RELN: variants seen among roughly 807,000 people sequenced by gnomAD.
RELN encodes the protein reelin.
In RELN, 108 loss-of-function variants were observed where a neutral mutation model predicts 427.6. The ratio of observed to expected loss-of-function variants is 0.25; its 90% CI spans 0.22 to 0.30. The LOEUF is 0.30. RELN is among the 10% of genes least tolerant of loss of function. The pLI is 1.00. For synonymous variants in RELN, 1,524 were observed against 1,513.4 expected (o/e 1.01, Z -0.16); for missense variants, 3,715 against 4,302.8 (o/e 0.86, Z 3.82).
At chr7:103,677,821 T>G (rs1833571123) in intron 11 of RELN, among the ~76,000 whole-genome samples, 2 of 146,872 alleles carry the variant, frequency 1.4e-5, no homozygotes, top group Non-Finnish European at 1.5e-5. Flanking sequence ...TTTCACCTAC[T>G]TAGCAGTCCT....
At chr7:103,871,462 G>GA (rs1011772270) in intron 2 of RELN, among the ~76,000 whole-genome samples, 31 of 152,100 alleles carry the variant, frequency 2.0e-4, no homozygotes, top group Middle Eastern at 3.4e-3. Context: ...TAACTACCAA[G>GA]AATGTATTTC....
intron 2 of RELN, among the ~76,000 whole-genome samples, chr7:103,890,904 C>T (rs1253003889): frequency 6.6e-6 from 1 of 152,014 alleles, no homozygotes; most frequent in African/African-American, 2.4e-5. Context: ...GGTGAAACCC[C>T]GTCTCTACTA....
intron 28 of RELN, among the ~76,000 whole-genome samples, chr7:103,584,709 T>C (rs1171740474): frequency 6.6e-6 from 1 of 152,240 alleles, no homozygotes; most frequent in East Asian, 1.9e-4. Context: ...CTATGCCAAA[T>C]GGACATAACA....
Position 103,572,243 on chromosome 7 carries a change from A to G in RELN, c.4529T>C (p.Ile1510Thr). 2 of 1,580,134 alleles carry G rather than the reference A, an allele frequency of 1.3e-6. No homozygotes were observed. Among genetic ancestry groups the G allele is most frequent in the South Asian group, 1.1e-5 (1 of 90,386 alleles). Residue 1510 changes from isoleucine (I) to threonine (T), a missense_variant, in exon 31 of 65, where the codon ATA becomes ACA. Coordinates refer to ENST00000428762, the MANE Select transcript of RELN (RefSeq NM_005045.4). ...TRNIRLVQFY[I>T]QIGSKTSGIT... ...GCCTGAAGTTTTGCTTCCAATTTGT[A>G]TATAAAATTGAACAAGTCTGGGGAA...
Position 103,578,373 on chromosome 7 carries a change from G to C in RELN, c.4146-2668C>G, listed in dbSNP as rs1318422549. 2.0e-5 allele frequency among the ~76,000 whole-genome samples: 3 copies of C among 152,066 alleles called. No individual in the cohort carries two copies. In the East Asian group the frequency reaches 5.8e-4, roughly 29 times the overall value. On this transcript the variant is annotated intron_variant, in intron 28 of 64. Coordinates refer to ENST00000428762, the MANE Select transcript of RELN (RefSeq NM_005045.4). ...AAAAGACTAATCATTTGGTTAATAGGGTAAGTCCAGAACATGGTGAATCAT... is the reference window on the plus strand; with the variant it reads ...AAAAGACTAATCATTTGGTTAATAGCGTAAGTCCAGAACATGGTGAATCAT...
intron 2 of RELN, among the ~76,000 whole-genome samples, chr7:103,852,116 A>T (rs1269499797): frequency 6.6e-6 from 1 of 152,192 alleles, no homozygotes; most frequent in Middle Eastern, 3.2e-3. Context: ...CACTTGTCAT[A>T]GTCCATTTAC....
At chr7:103,921,694 G>T (rs368643908) in intron 1 of RELN, among the ~76,000 whole-genome samples, 19 of 152,224 alleles carry the variant, frequency 1.2e-4, no homozygotes, top group African/African-American at 4.3e-4. Flanking sequence ...CTTCAATGTG[G>T]TTTCAAAGAC....
intron 17 of RELN, among the ~76,000 whole-genome samples, chr7:103,639,980 T>C (rs2117360852): frequency 6.6e-6 from 1 of 152,302 alleles, no homozygotes; most frequent in East Asian, 1.9e-4. Context: ...AGATATTACA[T>C]TATTAATGTA....
chr7:103,483,931 G>A (rs1461684336), intron 61 of RELN, 81 bp from the exon 62 acceptor site: 16 of 1,358,968 alleles, frequency 1.2e-5, no homozygotes, highest in African/African-American at 1.4e-5. Context: ...CCAGGCTGGA[G>A]TACAGTGGTG....
intron 8 of RELN, among the ~76,000 whole-genome samples, chr7:103,715,559 G>T (rs923722327): frequency 3.3e-5 from 5 of 152,224 alleles, no homozygotes; most frequent in South Asian, 2.1e-4. Context: ...CTCATTAGGG[G>T]ACTTCTTCCA....
At chr7:103,846,855 T>G (rs1793690758) in intron 2 of RELN, among the ~76,000 whole-genome samples, 1 of 149,352 alleles carries the variant, frequency 6.7e-6, no homozygotes, top group South Asian at 2.2e-4. Flanking sequence ...GAAATGCAAA[T>G]CAAAGCCACA....
intron 6 of RELN, among the ~76,000 whole-genome samples, chr7:103,739,269 T>C (rs1233222140): frequency 6.6e-6 from 1 of 152,252 alleles, no homozygotes; most frequent in African/African-American, 2.4e-5. Flanking sequence ...TATGGATATG[T>C]AGTTGATGTT....
In RELN at chr7:103,951,707, C is replaced by T. The variant is rs186761173; in HGVS notation, c.227-34522G>A. ...TTTTTTTAAAATACAGAGTCTTGTT[C>T]TGTTGCCCAGGCTGAAGTGCAGTGG... On this transcript the variant is annotated intron_variant, in intron 1 of 64. Transcript: ENST00000428762. Among the ~76,000 whole-genome samples, 5 of 147,392 alleles carry T rather than the reference C, an allele frequency of 3.4e-5. No individual in the cohort carries two copies. The East Asian group carries it at 7.9e-4, about 23-fold the overall frequency.
intron 2 of RELN, among the ~76,000 whole-genome samples, chr7:103,855,065 T>A (rs1386085795): frequency 1.3e-5 from 2 of 152,224 alleles, no homozygotes; most frequent in Admixed American, 1.3e-4. Flanking sequence ...TCAAAATGAA[T>A]GTACAGAATT....
rs55899563 is a variant in RELN at position 103,926,099 on chromosome 7, C to CTTTTTTTTTTT, written c.227-8925_227-8915dup. On this transcript the variant is annotated intron_variant, in intron 1 of 64. Transcript: ENST00000428762. ...CATAAATATATGACCCCCACCCCGC[C>CTTTTTTTTTTT]TTTTTTTTTTTTTTTTTTTTGAGAT... Among the ~76,000 whole-genome samples, 51 of 90,066 alleles carry CTTTTTTTTTTT rather than the reference C, an allele frequency of 5.7e-4. 2 individuals carry two copies. The highest frequency in any genetic ancestry group is 7.6e-4 in the East Asian group (2 of 2,640). 59.1% of individuals were successfully genotyped at this position (90,066 alleles called of 152,430 possible).
At chr7:103,585,074 G>C (rs2117228825) in intron 28 of RELN, among the ~76,000 whole-genome samples, 1 of 152,060 alleles carries the variant, frequency 6.6e-6, no homozygotes, top group South Asian at 2.1e-4. Context: ...AGTGCTAAAA[G>C]TTTATAGCTT....
intron 2 of RELN, among the ~76,000 whole-genome samples, chr7:103,849,212 T>C (rs947789467): frequency 2.6e-5 from 4 of 152,246 alleles, no homozygotes; most frequent in African/African-American, 7.2e-5. Context: ...GGAGTAATTA[T>C]TGACTACTTT....
At position 103,782,173 on chromosome 7, in the gene RELN, T is replaced by C. The variant is rs572626183; in HGVS notation, c.474-5546A>G. The stretch of plus-strand genomic sequence containing the variant: ...GATTCTCCAAAATGAAGAAAGTTCA[T>C]TATGATCATCATATTCAGTGCTTGA... On this transcript the variant is annotated intron_variant, in intron 3 of 64. Coordinates refer to ENST00000428762, the MANE Select transcript of RELN (RefSeq NM_005045.4). Among the ~76,000 whole-genome samples the C allele has an allele frequency of 4.6e-5, 7 of 152,290 alleles. No homozygotes were observed. In the South Asian group the frequency reaches 8.3e-4, roughly 18 times the overall value.
chr7:103,519,478 G>A lies in RELN; in HGVS notation c.7707C>T (p.Leu2569=). ...SRLLVTVDLN[L]TNAEFIQFYF... ...AAAATTGGATGAACTCAGCATTAGT[G>A]AGGTTTAGATCCACAGTGACTAATA... Residue 2569 remains leucine, a synonymous_variant, in exon 49 of 65, where the codon CTC becomes CTT. Coordinates refer to ENST00000428762, the MANE Select transcript of RELN (RefSeq NM_005045.4). The A allele has an allele frequency of 6.2e-7, 1 of 1,613,470 alleles. No individual in the cohort carries two copies. Among genetic ancestry groups the A allele is most frequent in the Non-Finnish European group, 8.5e-7 (1 of 1,179,500 alleles).
Sources: allele counts gnomAD v4.1 joint callset (sites outside exome capture counted in the v4.1 genomes callset), GRCh38; gene constraint gnomAD v4.1.1; transcripts MANE v1.5; gene names NCBI Gene and HGNC (gene_info 2026-07-23, HGNC 2026-07-21).